The following AJAP1 variants were observed in gnomAD, a reference collection of about 807,000 sequenced individuals.
The protein encoded by AJAP1 is adherens junction-associated protein 1.
AJAP1 carries 5 observed loss-of-function variants against 35.0 expected under a neutral mutation model. The ratio of observed to expected loss-of-function variants is 0.14; its 90% CI spans 0.07 to 0.30. AJAP1 has a LOEUF of 0.30. Among genes scored for constraint, AJAP1 ranks in the 10% least tolerant of loss-of-function variants. AJAP1 has a pLI of 1.00. For synonymous variants in AJAP1, 284 were observed against 249.3 expected (o/e 1.14, Z -1.31); for missense variants, 586 against 571.0 (o/e 1.03, Z -0.27).
chr1:4,665,137 T>C (rs953547793), intron 1 of AJAP1, among the ~76,000 whole-genome samples: 1 of 152,052 alleles, frequency 6.6e-6, no homozygotes, highest in Non-Finnish European at 1.5e-5. Flanking sequence ...TTCAAGACTG[T>C]ACCCAGATGC....
chr1:4,745,773 G>A (rs1053808245), intron 2 of AJAP1, among the ~76,000 whole-genome samples: 1 of 152,190 alleles, frequency 6.6e-6, no homozygotes, highest in Admixed American at 6.5e-5. Context: ...GTCCTGGGCA[G>A]CGCTTCCTCT....
In AJAP1 at chr1:4,692,653, G is replaced by A. The variant is rs1639771292; in HGVS notation, c.30-19247G>A. The stretch of plus-strand genomic sequence containing the variant: ...CTTCTCTCCCTGCCTCCTGTCCCGG[G>A]TCAACTCCTACTTGGCATTGGAGAC... On this transcript the variant is annotated intron_variant, in intron 1 of 5. Transcript: ENST00000378191. The surrounding 1 kb of genome is among the most constrained non-coding windows in gnomAD (Gnocchi z 4.4). Among the ~76,000 whole-genome samples, 2 of 152,166 alleles carry A rather than the reference G, an allele frequency of 1.3e-5. No homozygotes were observed. The highest frequency in any genetic ancestry group is 6.5e-5 in the Admixed American group (1 of 15,286).
At chr1:4,736,114 T>C (rs1640917712) in intron 2 of AJAP1, among the ~76,000 whole-genome samples, 1 of 152,246 alleles carries the variant, frequency 6.6e-6, no homozygotes, top group African/African-American at 2.4e-5. Context: ...TTAATGTTTG[T>C]AAAGGGCTTG....
intron 1 of AJAP1, among the ~76,000 whole-genome samples, chr1:4,710,950 TGCAGCCCCGCTGCGTGGAGAG>T (rs1317618349): frequency 1.3e-5 from 2 of 152,164 alleles, no homozygotes; most frequent in African/African-American, 2.4e-5. Context: ...ACTTCTCCCC[TGCAGCCCCGCTGCGTGGAGAG>T]GCAGCCCCGC....
chr1:4,712,489 T>G lies in AJAP1; in HGVS notation c.619T>G (p.Ser207Ala). ...GGGCGTTTACGGCCCCACCACGGTC[T>G]CCATCCTACAAACACGGAAGACAAC... Reference protein sequence around the residue: ...FPGVYGPTTVSILQTRKTTVA... With the variant: ...FPGVYGPTTVAILQTRKTTVA... Residue 207 changes from serine (S) to alanine (A), a missense_variant, in exon 2 of 6, where the codon TCC becomes GCC. Physicochemically the swap from Ser to Ala is moderately conservative, Grantham distance 99. Transcript: ENST00000378191. The G allele has an allele frequency of 6.2e-7, 1 of 1,612,430 alleles. No individual in the cohort carries two copies. The highest frequency in any genetic ancestry group is 8.5e-7 in the Non-Finnish European group (1 of 1,179,522).
intron 2 of AJAP1, among the ~76,000 whole-genome samples, chr1:4,761,431 T>C (rs1641562413): frequency 6.6e-6 from 1 of 152,196 alleles, no homozygotes; most frequent in South Asian, 2.1e-4. Context: ...TAGCCAGTCC[T>C]AGGGTCAGGG....
intron 1 of AJAP1, among the ~76,000 whole-genome samples, chr1:4,703,060 G>A (rs548423758): frequency 1.3e-5 from 2 of 152,252 alleles, no homozygotes; most frequent in African/African-American, 4.8e-5. Context: ...GACGTGTCCG[G>A]GCCTGTGATG....
chr1:4,676,429 T>C (rs1013636224), intron 1 of AJAP1, among the ~76,000 whole-genome samples: 4 of 152,170 alleles, frequency 2.6e-5, no homozygotes, highest in African/African-American at 9.6e-5. Context: ...CCGGTCCAGC[T>C]GGCTTGGTTA....
At chr1:4,771,242 G>C (rs961628843) in intron 3 of AJAP1, among the ~76,000 whole-genome samples, 1 of 152,192 alleles carries the variant, frequency 6.6e-6, no homozygotes, top group Non-Finnish European at 1.5e-5. Context: ...AGACTTTGTG[G>C]GTGGGGCTGC....
intron 1 of AJAP1, among the ~76,000 whole-genome samples, chr1:4,691,983 G>T (rs1258027917): frequency 6.6e-6 from 1 of 152,154 alleles, no homozygotes; most frequent in Non-Finnish European, 1.5e-5. Context: ...CAGACGTGGG[G>T]TGGGGACGGG....
At chr1:4,681,151 A>G (rs571836084) in intron 1 of AJAP1, among the ~76,000 whole-genome samples, 1 of 152,344 alleles carries the variant, frequency 6.6e-6, no homozygotes, top group East Asian at 1.9e-4. Flanking sequence ...TCTAGACTGG[A>G]CAAACATCAA....
intron 2 of AJAP1, among the ~76,000 whole-genome samples, chr1:4,750,476 G>A (rs914246980): frequency 3.3e-5 from 5 of 152,208 alleles, no homozygotes; most frequent in African/African-American, 1.2e-4. Flanking sequence ...AAAAGTGCAT[G>A]TGGCAGCCAC....
intron 2 of AJAP1, among the ~76,000 whole-genome samples, chr1:4,744,231 G>A (rs369191010): frequency 4.1e-4 from 62 of 152,318 alleles, no homozygotes; most frequent in African/African-American, 1.3e-3. Flanking sequence ...GGCGTGTCTC[G>A]TCTGGTGTGC....
intron 1 of AJAP1, among the ~76,000 whole-genome samples, chr1:4,668,207 C>CT (rs1491047365): frequency 2.3e-5 from 1 of 42,986 alleles, no homozygotes; most frequent in Non-Finnish European, 4.3e-5. Flanking sequence ...GAGTGAAACT[C>CT]TATCTCAAAA....
intron 1 of AJAP1, among the ~76,000 whole-genome samples, chr1:4,705,908 T>A (rs1640090961): frequency 1.3e-5 from 2 of 152,178 alleles, no homozygotes; most frequent in South Asian, 4.2e-4. Flanking sequence ...AAGCCACGTG[T>A]GTAGTTCCTG....
In AJAP1 at chr1:4,790,499, C is replaced by T. The variant is rs945721471; in HGVS notation, c.*8014C>T. Reference sequence around the variant, plus strand: ...AGGGGCTGGAAGACAAGCGGGGCAACTGGTTTTGAAAAGCCCGCTGGCGTG... The same window carrying T: ...AGGGGCTGGAAGACAAGCGGGGCAATTGGTTTTGAAAAGCCCGCTGGCGTG... On this transcript the variant is annotated 3_prime_UTR_variant, in exon 6 of 6. Transcript: ENST00000378191. 6.6e-6 allele frequency: 1 copy of T among 152,184 alleles called. No individual in the cohort carries two copies. Among genetic ancestry groups the T allele is most frequent in the South Asian group, 2.1e-4 (1 of 4,832 alleles). The allele number at this position is 152,184 out of a possible 1,614,324, so 9.4% of individuals were successfully genotyped here. A position where few individuals can be genotyped will look rare whatever the true frequency, so the allele number is the denominator to read the frequency against.
chr1:4,723,978 T>TC lies in AJAP1; in HGVS notation c.829+11281dup, dbSNP rs892071525. Among the ~76,000 whole-genome samples, 3 of 152,094 alleles carry TC rather than the reference T, an allele frequency of 2.0e-5. No individual in the cohort carries two copies. Among genetic ancestry groups the TC allele is most frequent in the African/African-American group, 7.2e-5 (3 of 41,398 alleles). On this transcript the variant is annotated intron_variant, in intron 2 of 5. Transcript: ENST00000378191. The surrounding 1 kb of genome is among the most constrained non-coding windows in gnomAD (Gnocchi z 4.3). ...CTCGCTATAGAGACCTCAAGAGGTGTCCAAGAAAAGCCTGGTTTCCGAATT... is the reference window on the plus strand; with the variant it reads ...CTCGCTATAGAGACCTCAAGAGGTGTCCCAAGAAAAGCCTGGTTTCCGAATT...
Position 4,721,198 on chromosome 1 carries a change from T to C in AJAP1, c.829+8499T>C, listed in dbSNP as rs12086194. Among the ~76,000 whole-genome samples, 880 of 152,226 alleles carry C rather than the reference T, an allele frequency of 5.8e-3. 4 individuals carry two copies. Among genetic ancestry groups the C allele is most frequent in the African/African-American group, 0.02 (848 of 41,550 alleles). ...CTGCAGCTGGGAGAAGCCCAGGCAT[T>C]TGTGAGTGGGGACTGGGGCAGAACC... On this transcript the variant is annotated intron_variant, in intron 2 of 5. Transcript: ENST00000378191.
intron 1 of AJAP1, among the ~76,000 whole-genome samples, chr1:4,699,429 C>T (rs777075080): frequency 1.3e-5 from 2 of 152,174 alleles, no homozygotes; most frequent in Non-Finnish European, 2.9e-5. Context: ...ACAATTGCAA[C>T]GAAACCAAAA....
Sources: gnomAD v4.1 joint callset for allele counts (sites outside exome capture counted in the v4.1 genomes callset) on GRCh38, gnomAD v4.1.1 for gene constraint, Gnocchi (gnomAD v3.1) non-coding constraint, MANE v1.5 for transcripts, NCBI Gene and HGNC (gene_info 2026-07-23, HGNC 2026-07-21) for gene names.